SLC51A: variants seen among roughly 807,000 people sequenced by gnomAD.
The protein encoded by SLC51A is organic solute transporter subunit alpha.
SLC51A carries 22 observed loss-of-function variants against 34.8 expected under a neutral mutation model. That is an observed-to-expected ratio of 0.63 (90% CI 0.45 to 0.90). The LOEUF (loss-of-function observed/expected upper bound fraction) is 0.90, where lower values mean the gene tolerates loss of function less well. Among genes scored for constraint, SLC51A ranks in the 40% least tolerant of loss-of-function variants. The pLI is 0.00. For synonymous variants in SLC51A, 181 were observed against 176.3 expected, an observed-to-expected ratio of 1.03 and a Z score of -0.21; for missense variants, 371 against 414.8, an observed-to-expected ratio of 0.89 and a Z score of 0.92.
Position 196,228,224 on chromosome 3 carries a change from G to A in SLC51A, c.472G>A (p.Gly158Ser), listed in dbSNP as rs1372045847. Reference sequence around the variant, plus strand: ...GGACACCCCGATGATGGTCCACACAGGCCCCTGCTGCTGCTGCTGCCCCTG... The same window carrying A: ...GGACACCCCGATGATGGTCCACACAAGCCCCTGCTGCTGCTGCTGCCCCTG... ...LRDTPMMVHT[G>S]PCCCCCPCCP... Residue 158 changes from glycine (G) to serine (S), a missense_variant, in exon 5 of 9, where the codon GGC (glycine) becomes AGC (serine). By Grantham distance (56) the Gly-to-Ser change is moderately conservative. Coordinates refer to ENST00000296327, the MANE Select transcript of SLC51A (RefSeq NM_152672.6). This position sits in a 1 kb window ranked among gnomAD's most constrained non-coding sequence, Gnocchi z 4.9. 1 of 1,613,696 alleles carries A rather than the reference G, an allele frequency of 6.2e-7. No homozygotes were observed. Among genetic ancestry groups the A allele is most frequent in the Admixed American group, 1.7e-5 (1 of 60,006 alleles).
At position 196,228,023 on chromosome 3, in the gene SLC51A, C is replaced by T. The variant is rs900311464; in HGVS notation, c.363-92C>T. 1 of 1,532,054 alleles carries T rather than the reference C, an allele frequency of 6.5e-7. No individual in the cohort carries two copies. Among genetic ancestry groups the T allele is most frequent in the Non-Finnish European group, 8.9e-7 (1 of 1,128,548 alleles). The allele number at this position is 1,532,054 out of a possible 1,614,324, so 94.9% of individuals were successfully genotyped here. A position where few individuals can be genotyped will look rare whatever the true frequency, so the allele number is the denominator to read the frequency against. On this transcript the variant is annotated intron_variant, in intron 4 of 8. Coordinates refer to ENST00000296327, the MANE Select transcript of SLC51A (RefSeq NM_152672.6). This position sits in a 1 kb window ranked among gnomAD's most constrained non-coding sequence, Gnocchi z 4.9. ...TGGGTCACACACCCAGAACGCCCAG[C>T]CCTAGCTCTGCTCCTCAGTAAGCCC...
intron 2 of SLC51A, among the ~76,000 whole-genome samples, chr3:196,218,600 G>A (rs1225513763): frequency 4.6e-5 from 7 of 152,198 alleles, no homozygotes; most frequent in Non-Finnish European, 8.8e-5. Flanking sequence ...AGGGGAGGGT[G>A]TGGGGATCCC....
At chr3:196,227,147 G>A (rs1723918284) in intron 3 of SLC51A, 28 bp downstream of exon 3, 2 of 1,607,228 alleles carry the variant, frequency 1.2e-6, no homozygotes, top group Non-Finnish European at 1.7e-6. Context: ...GCCCTGTGGG[G>A]GGAACTGAAA....
intron 2 of SLC51A, among the ~76,000 whole-genome samples, chr3:196,226,289 T>C (rs1723890789): frequency 2.0e-5 from 3 of 152,098 alleles, no homozygotes; most frequent in South Asian, 2.1e-4. Context: ...ACCACTGCCC[T>C]CCAGCCTGGG....
intron 2 of SLC51A, among the ~76,000 whole-genome samples, 192 bp from the exon 3 acceptor site, chr3:196,226,773 T>TA (rs780868037): frequency 0.13 from 13,607 of 107,482 alleles, 1,021 homozygotes; most frequent in South Asian, 0.21. Flanking sequence ...GGCTCCGTCT[T>TA]AAAAAAAAAA....
rs1244209095 is a variant in SLC51A, at chr3:196,228,315, C to T, written c.521+42C>T. ...GTGCCTTCCCCAGGAGCCGGGGAGCCTCTCCTGGACCCCTGGTCCCCTTCA... is the reference window on the plus strand; with the variant it reads ...GTGCCTTCCCCAGGAGCCGGGGAGCTTCTCCTGGACCCCTGGTCCCCTTCA... On this transcript the variant is annotated intron_variant, in intron 5 of 8. Coordinates refer to ENST00000296327, the MANE Select transcript of SLC51A (RefSeq NM_152672.6). The surrounding 1 kb of genome is among the most constrained non-coding windows in gnomAD (Gnocchi z 4.9). 1.3e-6 allele frequency: 2 copies of T among 1,581,644 alleles called. No individual in the cohort carries two copies. Among genetic ancestry groups the T allele is most frequent in the Admixed American group, 1.7e-5 (1 of 57,628 alleles).
intron 2 of SLC51A, among the ~76,000 whole-genome samples, chr3:196,226,270 C>T (rs1723890414): frequency 6.6e-6 from 1 of 152,090 alleles, no homozygotes; most frequent in African/African-American, 2.4e-5. Context: ...TGCAGTGAGC[C>T]ATGATCACAC....
At chr3:196,229,106 C>G (rs538000452) in intron 6 of SLC51A, among the ~76,000 whole-genome samples, 186 bp downstream of exon 6, 1 of 152,184 alleles carries the variant, frequency 6.6e-6, no homozygotes, top group Non-Finnish European at 1.5e-5. Context: ...TTTTTCATTA[C>G]CGTTCCTGCC....
chr3:196,227,635 C>T (rs772215135), intron 3 of SLC51A, 29 bp from the exon 4 acceptor site: 1 of 1,610,524 alleles, frequency 6.2e-7, no homozygotes, highest in Non-Finnish European at 8.5e-7. Flanking sequence ...TCCCTCCCGC[C>T]CTCACCTGCT....
chr3:196,227,953 C>A, intron 4 of SLC51A, 162 bp from the exon 5 acceptor site: 1 of 1,041,288 alleles, frequency 9.6e-7, no homozygotes, highest in Non-Finnish European at 1.4e-6. Context: ...TCTGAAATTC[C>A]CCTTCTCCCA....
intron 1 of SLC51A, among the ~76,000 whole-genome samples, chr3:196,217,266 C>A (rs1162130109): frequency 6.6e-6 from 1 of 152,258 alleles, no homozygotes; most frequent in Non-Finnish European, 1.5e-5. Context: ...GTAATCCCAG[C>A]ACTTTGGGAG....
At chr3:196,231,590 G>A (rs1391917230) in intron 7 of SLC51A, among the ~76,000 whole-genome samples, 3 of 152,180 alleles carry the variant, frequency 2.0e-5, no homozygotes, top group East Asian at 1.9e-4. Flanking sequence ...AGAAGTCCCC[G>A]GAATGAGTCA....
rs1724071822 is a variant in SLC51A at position 196,233,304 on chromosome 3, A to ACAAG, written c.*107_*110dup. The ACAAG allele has an allele frequency of 7.9e-7, 1 of 1,273,252 alleles. No individual in the cohort carries two copies. Among genetic ancestry groups the ACAAG allele is most frequent in the African/African-American group, 1.5e-5 (1 of 67,476 alleles). The allele number at this position is 1,273,252 out of a possible 1,614,324, so 78.9% of individuals were successfully genotyped here. On this transcript the variant is annotated 3_prime_UTR_variant, in exon 9 of 9. Transcript: ENST00000296327. ...ATGGGAAGCATTCCCCCTTGTCAAC[A>ACAAG]CAAGCTGGCAGATACATTTGACTCT...
Position 196,228,556 on chromosome 3 carries a change from GGT to G in SLC51A, c.522-251_522-250del. On this transcript the variant is annotated intron_variant, in intron 5 of 8. Transcript: ENST00000296327. The surrounding 1 kb of genome is among the most constrained non-coding windows in gnomAD (Gnocchi z 4.9). ...TTCGCTTGCCCCTTCTGCCCACTTT[GGT>G]GAATGAGGTTGAGGTCACACTCCCA... is the stretch of plus-strand genomic sequence containing the variant. 1.7e-6 allele frequency: 1 copy of G among 603,922 alleles called. No individual in the cohort carries two copies. The highest frequency in any genetic ancestry group is 2.9e-6 in the Non-Finnish European group (1 of 342,760). 37.4% of individuals were successfully genotyped at this position (603,922 alleles called of 1,614,324 possible).
At chr3:196,230,672 C>T (rs1004507745) in intron 7 of SLC51A, among the ~76,000 whole-genome samples, 13 of 151,988 alleles carry the variant, frequency 8.6e-5, no homozygotes, top group African/African-American at 1.7e-4. Flanking sequence ...TTAGTAGAGA[C>T]GGGGTTTCGC....
rs72611184 is a variant in SLC51A at position 196,228,307 on chromosome 3, C to T, written c.521+34C>T. The stretch of plus-strand genomic sequence containing the variant: ...GGGCCAAGGTGCCTTCCCCAGGAGC[C>T]GGGGAGCCTCTCCTGGACCCCTGGT... On this transcript the variant is annotated intron_variant, in intron 5 of 8. Coordinates refer to ENST00000296327, the MANE Select transcript of SLC51A (RefSeq NM_152672.6). This position sits in a 1 kb window ranked among gnomAD's most constrained non-coding sequence, Gnocchi z 4.9. 391,345 of 1,589,486 alleles carry T rather than the reference C, an allele frequency of 0.25. 57,216 individuals are homozygous for T. The highest frequency in any genetic ancestry group is 0.77 in the East Asian group (34,446 of 44,668).
At chr3:196,219,510 T>C (rs1346648355) in intron 2 of SLC51A, among the ~76,000 whole-genome samples, 2 of 152,216 alleles carry the variant, frequency 1.3e-5, no homozygotes, top group Non-Finnish European at 1.5e-5. Flanking sequence ...GTCCTTGGGC[T>C]GTGTAGGGCT....
chr3:196,216,647 C>T lies in SLC51A; in HGVS notation c.-66C>T. 6.5e-7 allele frequency: 1 copy of T among 1,528,778 alleles called. No homozygotes were observed. Among genetic ancestry groups the T allele is most frequent in the Non-Finnish European group, 8.9e-7 (1 of 1,129,774 alleles). 94.7% of individuals were successfully genotyped at this position (1,528,778 alleles called of 1,614,324 possible). On this transcript the variant is annotated 5_prime_UTR_variant, in exon 1 of 9. Coordinates refer to ENST00000296327, the MANE Select transcript of SLC51A (RefSeq NM_152672.6). This position sits in a 1 kb window ranked among gnomAD's most constrained non-coding sequence, Gnocchi z 4.5. ...GGCAAGCCACCCTGCCCCCGGCCCCCACCTGCCCGCCCCGCCTGCCCTTCC... is the reference window on the plus strand; with the variant it reads ...GGCAAGCCACCCTGCCCCCGGCCCCTACCTGCCCGCCCCGCCTGCCCTTCC...
intron 3 of SLC51A, chr3:196,227,448 G>A: frequency 1.7e-6 from 1 of 600,526 alleles, no homozygotes; most frequent in Non-Finnish European, 3.0e-6. Context: ...ATTCCACAGG[G>A]TCACACTCAG....
Sources: gnomAD v4.1 joint callset for allele counts (sites outside exome capture counted in the v4.1 genomes callset) on GRCh38, gnomAD v4.1.1 for gene constraint, Gnocchi (gnomAD v3.1) non-coding constraint, MANE v1.5 for transcripts, NCBI Gene and HGNC (gene_info 2026-07-23, HGNC 2026-07-21) for gene names.